Variants in TCF12 observed in about 807,000 individuals in gnomAD.
TCF12 encodes DNA-binding protein HTF4.
A neutral mutation model predicts 86.0 loss-of-function variants in TCF12; 45 were observed. The observed-to-expected ratio is 0.52, with a 90% CI of 0.41 to 0.67. The LOEUF (loss-of-function observed/expected upper bound fraction) is 0.67, where lower values mean the gene tolerates loss of function less well. Ranked by LOEUF, TCF12 falls within the 30% of genes least tolerant of loss-of-function variation. TCF12 has a pLI of 0.00. For missense variants in TCF12, 881 were observed against 859.9 expected, an observed-to-expected ratio of 1.02 and a Z score of -0.31; for synonymous variants, 330 against 299.6, an observed-to-expected ratio of 1.10 and a Z score of -1.05.
intron 3 of TCF12, among the ~76,000 whole-genome samples, chr15:57,050,448 A>G (rs2067532139): frequency 6.6e-6 from 1 of 151,994 alleles, no homozygotes; most frequent in Admixed American, 6.5e-5. Context: ...TATGTAATTT[A>G]TCTTTTTTCT....
At chr15:56,935,721 C>A (rs1029950048) in intron 3 of TCF12, among the ~76,000 whole-genome samples, 1 of 152,100 alleles carries the variant, frequency 6.6e-6, no homozygotes, top group African/African-American at 2.4e-5. Context: ...TGAGAACATA[C>A]GTTGTTTGGT....
At chr15:57,054,353 C>G (rs2067840104) in intron 3 of TCF12, among the ~76,000 whole-genome samples, 1 of 152,202 alleles carries the variant, frequency 6.6e-6, no homozygotes, top group Non-Finnish European at 1.5e-5. Flanking sequence ...TTTATTGGTA[C>G]TGACTTATGA....
chr15:57,055,591 A>G (rs755536862), intron 3 of TCF12, among the ~76,000 whole-genome samples: 10 of 151,536 alleles, frequency 6.6e-5, no homozygotes, highest in Middle Eastern at 3.2e-3. Context: ...ACATCCCCCA[A>G]CCCCAAGCAC....
At chr15:57,234,018 A>G (rs2059279212) in intron 11 of TCF12, 25 bp from the exon 12 acceptor site, 1 of 1,601,966 alleles carries the variant, frequency 6.2e-7, no homozygotes, top group East Asian at 2.2e-5. Flanking sequence ...AAAATTCTTG[A>G]TTTATTTCTC....
At chr15:57,132,986 A>G (rs1435637214) in intron 5 of TCF12, among the ~76,000 whole-genome samples, 2 of 152,226 alleles carry the variant, frequency 1.3e-5, no homozygotes, top group Non-Finnish European at 2.9e-5. Flanking sequence ...CTCTACATTT[A>G]AATTTTTTTC....
At chr15:57,244,126 A>AC (rs1216444666) in intron 13 of TCF12, among the ~76,000 whole-genome samples, 1 of 151,896 alleles carries the variant, frequency 6.6e-6, no homozygotes, top group East Asian at 1.9e-4. Flanking sequence ...CAATCCTCCC[A>AC]CCTTGGCCCC....
intron 3 of TCF12, among the ~76,000 whole-genome samples, chr15:57,050,898 A>T (rs530569887): frequency 3.3e-5 from 5 of 152,164 alleles, no homozygotes; most frequent in African/African-American, 1.2e-4. Flanking sequence ...CCATTTGTTC[A>T]TTCATTTTGA....
chr15:57,252,538 A>G (rs1166815421), intron 15 of TCF12, 46 bp downstream of exon 15: 2 of 1,477,842 alleles, frequency 1.4e-6, no homozygotes, highest in Admixed American at 1.7e-5. Flanking sequence ...TCAATTAATT[A>G]TACTTCCCAC....
chr15:57,250,085 G>T, intron 13 of TCF12, among the ~76,000 whole-genome samples: 1 of 151,236 alleles, frequency 6.6e-6, no homozygotes, highest in Non-Finnish European at 1.5e-5. Flanking sequence ...AACATCAAAG[G>T]CTAAACAACA....
chr15:57,163,400 C>G (rs967613058), intron 5 of TCF12, among the ~76,000 whole-genome samples: 1 of 152,046 alleles, frequency 6.6e-6, no homozygotes, highest in African/African-American at 2.4e-5. Flanking sequence ...GCAAAATAAT[C>G]CTTGAAATAA....
At chr15:56,955,348 C>T (rs553894656) in intron 3 of TCF12, among the ~76,000 whole-genome samples, 59 of 151,670 alleles carry the variant, frequency 3.9e-4, no homozygotes, top group East Asian at 2.3e-3. Context: ...GGGAATTGAA[C>T]GGTGAGAACT....
chr15:57,105,169 C>G (rs571371278), intron 5 of TCF12, among the ~76,000 whole-genome samples: 1 of 151,828 alleles, frequency 6.6e-6, no homozygotes, highest in Non-Finnish European at 1.5e-5. Flanking sequence ...CTACTGTGCC[C>G]GACCAATCTT....
At chr15:57,261,976 T>G in intron 16 of TCF12, 118 bp from the exon 17 acceptor site, 1 of 571,264 alleles carries the variant, frequency 1.8e-6, no homozygotes, top group Non-Finnish European at 2.9e-6. Flanking sequence ...CAGAAAAAGT[T>G]GCTGAAATCA....
chr15:57,060,500 T>C (rs11853675), intron 3 of TCF12, among the ~76,000 whole-genome samples: 6,632 of 152,306 alleles, frequency 0.044, 194 homozygotes, highest in Middle Eastern at 0.078. Flanking sequence ...TGGAAAAAAT[T>C]TATTAGAAAG....
chr15:57,095,714 A>G (rs1358988234), intron 5 of TCF12, among the ~76,000 whole-genome samples: 1 of 152,138 alleles, frequency 6.6e-6, no homozygotes, highest in Non-Finnish European at 1.5e-5. Flanking sequence ...ACAGGGGGAA[A>G]TTGCAGGGCT....
chr15:57,222,745 A>G (rs1473243309), intron 8 of TCF12, among the ~76,000 whole-genome samples: 1 of 143,256 alleles, frequency 7.0e-6, no homozygotes, highest in African/African-American at 2.5e-5. Flanking sequence ...TTTGGGGGAA[A>G]AAAAGGACTG....
At chr15:56,975,138 G>A (rs2062535294) in intron 3 of TCF12, among the ~76,000 whole-genome samples, 1 of 152,044 alleles carries the variant, frequency 6.6e-6, no homozygotes, top group Non-Finnish European at 1.5e-5. Context: ...TGTACAAAGG[G>A]CAACAACATG....
intron 3 of TCF12, among the ~76,000 whole-genome samples, chr15:56,968,356 C>CT (rs1567180143): frequency 1.1e-4 from 14 of 131,028 alleles, no homozygotes; most frequent in African/African-American, 3.4e-4. Flanking sequence ...TTCATATTAC[C>CT]TTTTTTTGTT....
chr15:57,237,792 T>C (rs1452118830), intron 12 of TCF12, among the ~76,000 whole-genome samples: 1 of 152,200 alleles, frequency 6.6e-6, no homozygotes, highest in Non-Finnish European at 1.5e-5. Context: ...GAAGTTAAAG[T>C]AGCACAATTT....
Sources: allele counts gnomAD v4.1 joint callset (sites outside exome capture counted in the v4.1 genomes callset), GRCh38; gene constraint gnomAD v4.1.1; transcripts MANE v1.5; gene names NCBI Gene and HGNC (gene_info 2026-07-23, HGNC 2026-07-21).